Variants in DENND10 observed in about 807,000 individuals in gnomAD.
DENND10 encodes DENN domain-containing protein 10.
Under a neutral mutation model 43.6 loss-of-function variants are expected in DENND10, and 24 were observed. The observed-to-expected ratio is 0.55, with a 90% confidence interval of 0.40 to 0.77. The LOEUF is 0.77. Ranked by LOEUF, DENND10 falls within the 30% of genes least tolerant of loss-of-function variation. The probability of loss-of-function intolerance (pLI) is 0.00; values close to 1 mark genes in which losing one functional copy is unlikely to be tolerated. For synonymous variants in DENND10, 125 were observed against 157.6 expected (o/e 0.79, Z 1.55); for missense variants, 303 against 429.9 (o/e 0.70, Z 2.61).
chr10:119,104,265 G>C lies in DENND10; in HGVS notation c.55+68G>C, dbSNP rs551116990. On this transcript the variant is annotated intron_variant, in intron 1 of 8. Coordinates refer to ENST00000361432, the MANE Select transcript of DENND10 (RefSeq NM_207009.4). ...CTGCCTCTGCTCCACCTCGGCCCGG[G>C]GCAGCCCGGGCTCCCGCGGCCCCCG... 34 of 1,409,830 alleles carry C rather than the reference G, an allele frequency of 2.4e-5. No homozygotes were observed. The South Asian group carries it at 4.7e-4, about 19-fold the overall frequency. 87.3% of individuals were successfully genotyped at this position (1,409,830 alleles called of 1,614,324 possible). A position where few individuals can be genotyped will look rare whatever the true frequency, so the allele number is the denominator to read the frequency against.
chr10:119,123,655 G>C, intron 6 of DENND10, 86 bp downstream of exon 6: 2 of 1,046,434 alleles, frequency 1.9e-6, no homozygotes, highest in Non-Finnish European at 2.9e-6. Flanking sequence ...TGTTGCCCAG[G>C]ATGGAGTGCA....
rs74157633 is a variant in DENND10 at position 119,137,726 on chromosome 10, A to C, written c.*1079A>C. 1 of 166,620 alleles carries C rather than the reference A, an allele frequency of 6.0e-6. No individual in the cohort carries two copies. The highest frequency in any genetic ancestry group is 2.4e-5 in the African/African-American group (1 of 41,248). 10.3% of individuals were successfully genotyped at this position (166,620 alleles called of 1,614,324 possible). On this transcript the variant is annotated 3_prime_UTR_variant, in exon 9 of 9. Transcript: ENST00000361432. Reference sequence around the variant, plus strand: ...TGCAAAAAACATTATTGGGTCTTTCATCTTTTTCTTGGTATTACATATTTG... The same window carrying C: ...TGCAAAAAACATTATTGGGTCTTTCCTCTTTTTCTTGGTATTACATATTTG...
intron 7 of DENND10, among the ~76,000 whole-genome samples, chr10:119,130,501 TC>T (rs1411181264): frequency 6.6e-6 from 1 of 152,186 alleles, no homozygotes. Flanking sequence ...TTTCACCATG[TC>T]GGCCAGGCTG....
intron 7 of DENND10, among the ~76,000 whole-genome samples, chr10:119,131,832 G>A (rs1846100248): frequency 6.6e-6 from 1 of 152,226 alleles, no homozygotes; most frequent in East Asian, 1.9e-4. Context: ...ACTGGCTGTG[G>A]CTAGGGCCAC....
intron 5 of DENND10, among the ~76,000 whole-genome samples, chr10:119,122,488 T>A (rs1326176933): frequency 6.6e-6 from 1 of 152,132 alleles, no homozygotes; most frequent in Non-Finnish European, 1.5e-5. Flanking sequence ...CATGATTGCA[T>A]CAGATTTTAA....
At chr10:119,130,745 G>A (rs1345561826) in intron 7 of DENND10, among the ~76,000 whole-genome samples, 3 of 152,198 alleles carry the variant, frequency 2.0e-5, no homozygotes, top group African/African-American at 7.2e-5. Context: ...CAATGTGCAT[G>A]GCTGTTGGCA....
chr10:119,114,130 G>T (rs1341434951), intron 3 of DENND10: 1 of 152,200 alleles, frequency 6.6e-6, no homozygotes, highest in African/African-American at 2.4e-5. Flanking sequence ...TGGCATTGTA[G>T]TATCCTGGAT....
At chr10:119,126,293 AT>A (rs1845829297) in intron 6 of DENND10, among the ~76,000 whole-genome samples, 1 of 152,012 alleles carries the variant, frequency 6.6e-6, no homozygotes, top group Admixed American at 6.6e-5. Context: ...TGATACACTG[AT>A]TTCCTTTTTT....
intron 7 of DENND10, among the ~76,000 whole-genome samples, chr10:119,131,936 G>A (rs1427004136): frequency 3.9e-5 from 6 of 152,184 alleles, no homozygotes; most frequent in Non-Finnish European, 7.3e-5. Context: ...ATCCTAATCC[G>A]CACCAGTTGA....
Position 119,129,623 on chromosome 10 carries a change from G to A in DENND10, c.802+1G>A. 6.3e-7 allele frequency: 1 copy of A among 1,598,032 alleles called. No homozygotes were observed. The highest frequency in any genetic ancestry group is 8.6e-7 in the Non-Finnish European group (1 of 1,165,424). ...ATTACCATTGCTCCCCTTGCAAAAG[G>A]TTTGTTCTCTGTTCTGTTCTTGATA... is the stretch of plus-strand genomic sequence containing the variant. On this transcript the variant is annotated splice_donor_variant, in intron 7 of 8. Coordinates refer to ENST00000361432, the MANE Select transcript of DENND10 (RefSeq NM_207009.4). LOFTEE classifies it high-confidence loss of function.
intron 1 of DENND10, among the ~76,000 whole-genome samples, chr10:119,104,434 G>A (rs1844584332): frequency 1.3e-5 from 2 of 150,724 alleles, no homozygotes; most frequent in African/African-American, 4.8e-5. Flanking sequence ...TGCCCGGCCC[G>A]AGGGAGCCCG....
At chr10:119,123,612 T>C in intron 6 of DENND10, 43 bp downstream of exon 6, 1 of 1,452,976 alleles carries the variant, frequency 6.9e-7, no homozygotes, top group Non-Finnish European at 9.5e-7. Context: ...TCACTTTTTT[T>C]TTTTTTTTTT....
At chr10:119,129,672 AC>A (rs1471249730) in intron 7 of DENND10, 50 bp downstream of exon 7, 1 of 1,337,152 alleles carries the variant, frequency 7.5e-7, no homozygotes, top group Admixed American at 1.7e-5. Context: ...AAACAGTTGT[AC>A]ATTTTTAGGC....
chr10:119,104,263 G>A (rs1346876688), intron 1 of DENND10, 66 bp downstream of exon 1: 34 of 1,408,786 alleles, frequency 2.4e-5, no homozygotes, highest in Non-Finnish European at 3.2e-5. Context: ...ACCTCGGCCC[G>A]GGGCAGCCCG....
At chr10:119,108,723 C>T (rs12219784) in intron 2 of DENND10, among the ~76,000 whole-genome samples, 4 of 150,832 alleles carry the variant, frequency 2.7e-5, no homozygotes, top group East Asian at 2.1e-4. Flanking sequence ...GGCGCAATCT[C>T]GGCTCACTGC....
intron 8 of DENND10, among the ~76,000 whole-genome samples, chr10:119,135,815 A>AAAAAAAAAAAAAAAAAAC (rs1564804559): frequency 2.9e-5 from 4 of 137,924 alleles, no homozygotes; most frequent in Non-Finnish European, 6.5e-5. Context: ...AAAAAAAAAA[A>AAAAAAAAAAAAAAAAAAC]ACCAAAACCA....
chr10:119,131,151 T>C (rs1370837484), intron 7 of DENND10, among the ~76,000 whole-genome samples: 1 of 152,218 alleles, frequency 6.6e-6, no homozygotes, highest in Non-Finnish European at 1.5e-5. Context: ...GTGGCATTCT[T>C]AGACATTCTA....
Position 119,120,365 on chromosome 10 carries a change from A to G in DENND10, c.506A>G (p.Glu169Gly). The G allele has an allele frequency of 6.2e-7, 1 of 1,610,094 alleles. No individual in the cohort carries two copies. Among genetic ancestry groups the G allele is most frequent in the Non-Finnish European group, 8.5e-7 (1 of 1,176,342 alleles). ...GACATTGTATCTCAGTTTGGAATGGAAACTGTTATCTTACACACAGCACTG... is the reference window on the plus strand; with the variant it reads ...GACATTGTATCTCAGTTTGGAATGGGAACTGTTATCTTACACACAGCACTG... ...IKDIVSQFGMETVILHTALML... is the reference protein window; with the variant it reads ...IKDIVSQFGMGTVILHTALML... Residue 169 changes from glutamate to glycine, a missense_variant, in exon 5 of 9, where the codon GAA (glutamate) becomes GGA (glycine). Glu to Gly is a moderately conservative substitution (Grantham distance 98). Transcript: ENST00000361432.
rs997172928 is a variant in DENND10, at chr10:119,132,696, G to C, written c.897+87G>C. 8.3e-6 allele frequency: 9 copies of C among 1,084,352 alleles called. No homozygotes were observed. In the South Asian group the frequency reaches 8.8e-5, roughly 11 times the overall value. 67.2% of individuals were successfully genotyped at this position (1,084,352 alleles called of 1,614,324 possible). A position where few individuals can be genotyped will look rare whatever the true frequency, so the allele number is the denominator to read the frequency against. On this transcript the variant is annotated intron_variant, in intron 8 of 8. Transcript: ENST00000361432. This position sits in a 1 kb window ranked among gnomAD's most constrained non-coding sequence, Gnocchi z 4.2. ...GCAGAGCTGTGCACATAAGCAGAGT[G>C]GGGGGCTGTGGTAGAGGCCAGCGGG...
Sources: allele counts gnomAD v4.1 joint callset (sites outside exome capture counted in the v4.1 genomes callset), GRCh38; gene constraint gnomAD v4.1.1; non-coding constraint Gnocchi (gnomAD v3.1); transcripts MANE v1.5; gene names NCBI Gene and HGNC (gene_info 2026-07-23, HGNC 2026-07-21).